TPR: variants seen among roughly 807,000 people sequenced by gnomAD.
TPR encodes nucleoprotein TPR.
TPR carries 51 observed loss-of-function variants against 316.1 expected under a neutral mutation model. The ratio of observed to expected loss-of-function variants is 0.16; its 90% CI spans 0.13 to 0.20. TPR has a LOEUF of 0.20. Among genes scored for constraint, TPR ranks in the 10% least tolerant of loss-of-function variants. TPR has a pLI of 1.00. For missense variants in TPR, 2,272 were observed against 2,754.8 expected (o/e 0.82, Z 3.92); for synonymous variants, 981 against 914.7 (o/e 1.07, Z -1.31).
At position 186,312,604 on chromosome 1, in the gene TPR, A is replaced by G; in HGVS notation, c.*1367T>C. 1 of 802,936 alleles carries G rather than the reference A, an allele frequency of 1.2e-6. No individual in the cohort carries two copies. Among genetic ancestry groups the G allele is most frequent in the Non-Finnish European group, 2.0e-6 (1 of 506,250 alleles). 49.7% of individuals were successfully genotyped at this position (802,936 alleles called of 1,614,324 possible). ...AGGTTTGTTAGTTATAACCAATACT[A>G]TTTATCAAGTACTTCTTACCAAGAA... is the stretch of plus-strand genomic sequence containing the variant. On this transcript the variant is annotated 3_prime_UTR_variant, in exon 51 of 51. Transcript: ENST00000367478.
Position 186,364,935 on chromosome 1 carries a change from T to C in TPR, c.428-1490A>G, listed in dbSNP as rs556408317. 5.9e-5 allele frequency among the ~76,000 whole-genome samples: 9 copies of C among 152,184 alleles called. No individual in the cohort carries two copies. In the South Asian group the frequency reaches 1.9e-3, roughly 32 times the overall value. ...TTATGATAAGGACTGCCCTTATTTATAAAGCTTTTAACCCCAGGGCCCAAA... is the reference window on the plus strand; with the variant it reads ...TTATGATAAGGACTGCCCTTATTTACAAAGCTTTTAACCCCAGGGCCCAAA... On this transcript the variant is annotated intron_variant, in intron 4 of 50. Coordinates refer to ENST00000367478, the MANE Select transcript of TPR (RefSeq NM_003292.3).
chr1:186,325,099 C>T (rs1394250225), intron 42 of TPR, among the ~76,000 whole-genome samples: 1 of 151,984 alleles, frequency 6.6e-6, no homozygotes, highest in African/African-American at 2.4e-5. Flanking sequence ...ATACCCAGGC[C>T]TCTACAGAAA....
chr1:186,366,107 T>A (rs2101989018), intron 4 of TPR, among the ~76,000 whole-genome samples: 1 of 152,350 alleles, frequency 6.6e-6, no homozygotes, highest in South Asian at 2.1e-4. Context: ...GGAAGATTGG[T>A]AATGTATAGA....
intron 13 of TPR, 22 bp downstream of exon 13, chr1:186,358,521 A>G (rs1659092546): frequency 6.3e-7 from 1 of 1,598,126 alleles, no homozygotes; most frequent in Non-Finnish European, 8.5e-7. Context: ...AAAAGTAGGA[A>G]AACAAACAAA....
intron 40 of TPR, among the ~76,000 whole-genome samples, chr1:186,326,499 A>G (rs544074514): frequency 3.7e-4 from 57 of 152,248 alleles, no homozygotes; most frequent in South Asian, 1.9e-3. Context: ...TGTCAGCAAA[A>G]TATCAAGTGG....
intron 38 of TPR, 64 bp downstream of exon 38, chr1:186,332,131 A>G (rs1658184593): frequency 1.3e-6 from 2 of 1,506,624 alleles, no homozygotes; most frequent in African/African-American, 2.9e-5. Flanking sequence ...TTTAGGCTGT[A>G]GCTGAAAAGA....
At position 186,336,948 on chromosome 1, in the gene TPR, T is replaced by C. The variant is rs562869921; in HGVS notation, c.4506+65A>G. Reference sequence around the variant, plus strand: ...CATGGTAAGACAAAGTGTCAGTAGTTAACACATATTTCTTTAGGTGTATAA... The same window carrying C: ...CATGGTAAGACAAAGTGTCAGTAGTCAACACATATTTCTTTAGGTGTATAA... On this transcript the variant is annotated intron_variant, in intron 32 of 50. Transcript: ENST00000367478. 42 of 1,598,016 alleles carry C rather than the reference T, an allele frequency of 2.6e-5. No individual in the cohort carries two copies. The South Asian group carries it at 4.3e-4, about 17-fold the overall frequency.
chr1:186,334,434 T>C lies in TPR; in HGVS notation c.5073A>G (p.Ser1691=). ...TTGGGCGGATACTAGCCCTGGGTGTTGACTTATTTCCAGCCATAGCTGCAG... is the reference window on the plus strand; with the variant it reads ...TTGGGCGGATACTAGCCCTGGGTGTCGACTTATTTCCAGCCATAGCTGCAG... The part of the protein sequence containing the change: ...VTAAAMAGNK[S]TPRASIRPMV... The change falls in exon 36 of 51, where the codon TCA becomes TCG. Residue 1691 remains serine, a synonymous_variant. Coordinates refer to ENST00000367478, the MANE Select transcript of TPR (RefSeq NM_003292.3). 6.2e-7 allele frequency: 1 copy of C among 1,613,742 alleles called. No individual in the cohort carries two copies. Among genetic ancestry groups the C allele is most frequent in the Non-Finnish European group, 8.5e-7 (1 of 1,179,764 alleles).
chr1:186,351,462 C>T lies in TPR; in HGVS notation c.2478G>A (p.Leu826=). 1 of 1,596,990 alleles carries T rather than the reference C, an allele frequency of 6.3e-7. No individual in the cohort carries two copies. The highest frequency in any genetic ancestry group is 8.5e-7 in the Non-Finnish European group (1 of 1,173,936). Residue 826 remains leucine (L), a synonymous_variant, in exon 20 of 51, where the codon CTG becomes CTA. Transcript: ENST00000367478. The part of the protein sequence containing the change: ...LTNLQTIQGI[L]ERSETETKQR... ...GTTTGGTTTCTGTTTCAGATCGCTCCAGTATTCCCTAAAGCAAAGAAAAGA... is the reference window on the plus strand; with the variant it reads ...GTTTGGTTTCTGTTTCAGATCGCTCTAGTATTCCCTAAAGCAAAGAAAAGA...
Position 186,355,713 on chromosome 1 carries a change from T to C in TPR, c.1944A>G (p.Ser648=). The C allele has an allele frequency of 1.2e-6, 2 of 1,614,128 alleles. No homozygotes were observed. Among genetic ancestry groups the C allele is most frequent in the Non-Finnish European group, 8.5e-7 (1 of 1,180,016 alleles). Residue 648 remains serine (S), a synonymous_variant, in exon 16 of 51, where the codon TCA becomes TCG. Coordinates refer to ENST00000367478, the MANE Select transcript of TPR (RefSeq NM_003292.3). ...CTGGAGCAGGAGTGGAAACAGTCTGTGATGTACTTGGACGTTTTGGAGTTG... is the reference window on the plus strand; with the variant it reads ...CTGGAGCAGGAGTGGAAACAGTCTGCGATGTACTTGGACGTTTTGGAGTTG... ...LASTPKRPST[S]QTVSTPAPVP...
chr1:186,319,124 A>AGGGCT (rs1657697511), intron 46 of TPR, among the ~76,000 whole-genome samples: 1 of 151,966 alleles, frequency 6.6e-6, no homozygotes, highest in Non-Finnish European at 1.5e-5. Context: ...CCAAGGAGCT[A>AGGGCT]GGGCTACCAA....
At position 186,339,792 on chromosome 1, in the gene TPR, T is replaced by TA; in HGVS notation, c.4021-21dup. On this transcript the variant is annotated intron_variant, in intron 29 of 50. Transcript: ENST00000367478. ...TAGATGCTAGAATAACAAAAATGCATACTTGATTTTTTTAGGTTTTATGAA... is the reference window on the plus strand; with the variant it reads ...TAGATGCTAGAATAACAAAAATGCATAACTTGATTTTTTTAGGTTTTATGAA... 4.5e-6 allele frequency: 7 copies of TA among 1,547,522 alleles called. No homozygotes were observed. The highest frequency in any genetic ancestry group is 6.1e-6 in the Non-Finnish European group (7 of 1,152,116).
At chr1:186,373,954 T>C (rs1040270877) in intron 1 of TPR, among the ~76,000 whole-genome samples, 3 of 152,212 alleles carry the variant, frequency 2.0e-5, no homozygotes, top group Non-Finnish European at 2.9e-5. Context: ...ATGTTCAGCA[T>C]AGTATCAGGA....
At chr1:186,355,280 G>A in intron 17 of TPR, 130 bp downstream of exon 17, 1 of 930,074 alleles carries the variant, frequency 1.1e-6, no homozygotes, top group African/African-American at 1.7e-5. Flanking sequence ...TGAACTACCA[G>A]AGGTTCTCAT....
At chr1:186,338,544 C>T (rs1337653710) in intron 30 of TPR, among the ~76,000 whole-genome samples, 1 of 152,158 alleles carries the variant, frequency 6.6e-6, no homozygotes, top group African/African-American at 2.4e-5. Flanking sequence ...TTCAGACTTG[C>T]TTTAAGAGCA....
In TPR at chr1:186,341,288, C is replaced by G. The variant is rs747393770; in HGVS notation, c.3852G>C (p.Glu1284Asp). The G allele has an allele frequency of 6.2e-7, 1 of 1,614,038 alleles. No homozygotes were observed. Among genetic ancestry groups the G allele is most frequent in the Non-Finnish European group, 8.5e-7 (1 of 1,180,004 alleles). ...TTTGCTGTAGATCCTGTTCTAGTCT[C>G]TCCTTCTCTTCTCTTAGCATTTTAT... The part of the protein sequence containing the change: ...ETNKMLREEK[E>D]RLEQDLQQMQ... Residue 1284 changes from glutamate (E) to aspartate (D), a missense_variant, in exon 28 of 51, where the codon GAG (glutamate) becomes GAC (aspartate). By Grantham distance (45) the Glu-to-Asp change is conservative. Around this residue, in one of 10 missense-constraint regions of TPR, gnomAD observed 757 missense variants for 859.8 expected, o/e 0.88. Transcript: ENST00000367478.
At chr1:186,320,234 T>C (rs901633430) in intron 46 of TPR, 78 bp downstream of exon 46, 19 of 1,209,778 alleles carry the variant, frequency 1.6e-5, no homozygotes, top group Non-Finnish European at 2.0e-5. Context: ...TTGCTCTTTT[T>C]CCCCCCTTAA....
Position 186,344,022 on chromosome 1 carries a change from C to T in TPR, c.3486G>A (p.Gln1162=), listed in dbSNP as rs1658600637. The change falls in exon 26 of 51, where the codon CAG becomes CAA. Residue 1162 remains glutamine (Q), a synonymous_variant. Coordinates refer to ENST00000367478, the MANE Select transcript of TPR (RefSeq NM_003292.3). The part of the protein sequence containing the change: ...LEKQNRLLHD[Q]IEKLSDKVVA... ...CGACCTTGTCACTTAATTTTTCGAT[C>T]TGATCATGAAGTAATCTGTTTTGTT... The T allele has an allele frequency of 1.1e-5, 18 of 1,614,048 alleles. No individual in the cohort carries two copies. The highest frequency in any genetic ancestry group is 1.2e-5 in the Non-Finnish European group (14 of 1,180,028).
Position 186,353,756 on chromosome 1 carries a change from G to C in TPR, c.2266C>G (p.Gln756Glu), listed in dbSNP as rs746380724. The C allele has an allele frequency of 1.2e-5, 19 of 1,613,970 alleles. No homozygotes were observed. The African/African-American group carries it at 1.2e-4, about 10-fold the overall frequency. ...NQKLTATTQK[Q>E]EQIINTMTQD... The stretch of plus-strand genomic sequence containing the variant: ...GTCATCGTATTGATAATCTGTTCTT[G>C]CTTTTGAGTTGTGGCAGTGAGTTTC... The change falls in exon 18 of 51, where the codon CAA (glutamine) becomes GAA (glutamate). Residue 756 changes from glutamine (Q) to glutamate (E), a missense_variant. Transcript: ENST00000367478.
Sources: allele counts gnomAD v4.1 joint callset (sites outside exome capture counted in the v4.1 genomes callset), GRCh38; gene constraint gnomAD v4.1.1; regional missense constraint gnomAD v4.1.1; transcripts MANE v1.5; gene names NCBI Gene and HGNC (gene_info 2026-07-23, HGNC 2026-07-21).